The following PTPRD variants were observed in gnomAD, a reference collection of about 807,000 sequenced individuals.
PTPRD encodes protein tyrosine phosphatase receptor type D, also known as receptor-type tyrosine-protein phosphatase delta.
In PTPRD, 34 loss-of-function variants were observed where a neutral mutation model predicts 214.5. That is an observed-to-expected ratio of 0.16 (90% CI 0.12 to 0.21). The LOEUF (loss-of-function observed/expected upper bound fraction) is 0.21, where lower values mean the gene tolerates loss of function less well. PTPRD is among the 10% of genes least tolerant of loss of function. PTPRD has a pLI of 1.00. For missense variants in PTPRD, 2,545 were observed against 2,398.7 expected, an observed-to-expected ratio of 1.06 and a Z score of -1.27; for synonymous variants, 1,128 against 845.7, an observed-to-expected ratio of 1.33 and a Z score of -5.79.
At chr9:8,624,213 AG>A (rs1491427887) in intron 14 of PTPRD, among the ~76,000 whole-genome samples, 1 of 151,724 alleles carries the variant, frequency 6.6e-6, no homozygotes, top group Non-Finnish European at 1.5e-5. Flanking sequence ...CAAATGTAAC[AG>A]GGGGAAAAAA....
In PTPRD at chr9:10,443,107, C is replaced by G. The variant is rs73644456; in HGVS notation, c.-599-102090G>C. On this transcript the variant is annotated intron_variant, in intron 2 of 45. Transcript: ENST00000381196. ...CAATTTCAGAAAAAAAAAAAAAGGC[C>G]TGGATGGTGTTTGTGTTTTTTTATT... Among the ~76,000 whole-genome samples, 1,423 of 150,068 alleles carry G rather than the reference C, an allele frequency of 9.5e-3. 24 individuals are homozygous for G. The highest frequency in any genetic ancestry group is 0.033 in the African/African-American group (1,363 of 40,946).
chr9:8,691,459 T>G (rs1432289174), intron 12 of PTPRD, among the ~76,000 whole-genome samples: 1 of 147,634 alleles, frequency 6.8e-6, no homozygotes, highest in South Asian at 2.1e-4. Context: ...GAACAAGGGA[T>G]AAAGAGAGTA....
chr9:9,022,043 T>C (rs1383378897), intron 10 of PTPRD, among the ~76,000 whole-genome samples: 1 of 151,910 alleles, frequency 6.6e-6, no homozygotes, highest in African/African-American at 2.4e-5. Flanking sequence ...AAAACCTAGA[T>C]GACCGGTTCA....
intron 2 of PTPRD, among the ~76,000 whole-genome samples, chr9:10,506,517 G>A (rs935179330): frequency 6.6e-6 from 1 of 152,044 alleles, no homozygotes; most frequent in Non-Finnish European, 1.5e-5. Flanking sequence ...AAATGCTTGA[G>A]GTGATTGGTA....
chr9:10,184,544 G>T (rs912172912), intron 3 of PTPRD, among the ~76,000 whole-genome samples: 1 of 152,186 alleles, frequency 6.6e-6, no homozygotes, highest in African/African-American at 2.4e-5. Flanking sequence ...ACAATGCATA[G>T]AATATAGTAT....
At chr9:9,233,398 A>G (rs961079538) in intron 9 of PTPRD, among the ~76,000 whole-genome samples, 3 of 152,160 alleles carry the variant, frequency 2.0e-5, no homozygotes, top group Non-Finnish European at 4.4e-5. Flanking sequence ...GGGAACTACA[A>G]TTCAAGATGA....
chr9:8,318,467 G>C (rs1386408712), intron 45 of PTPRD, among the ~76,000 whole-genome samples: 1 of 152,074 alleles, frequency 6.6e-6, no homozygotes, highest in South Asian at 2.1e-4. Flanking sequence ...GGACAGTAGA[G>C]CTTGCAGTGA....
intron 8 of PTPRD, among the ~76,000 whole-genome samples, chr9:9,454,852 C>T (rs1339662904): frequency 6.8e-6 from 1 of 145,990 alleles, no homozygotes; most frequent in East Asian, 2.0e-4. Flanking sequence ...TATATATACA[C>T]ATATATATAT....
chr9:8,776,791 TTATATATATATTATATA>T (rs2095494932), intron 11 of PTPRD, among the ~76,000 whole-genome samples: 1 of 147,570 alleles, frequency 6.8e-6, no homozygotes. Flanking sequence ...AAAATATGTA[TTATATATATATTATATA>T]TGTATAATAT....
At chr9:8,564,093 G>A (rs1338391937) in intron 14 of PTPRD, among the ~76,000 whole-genome samples, 3 of 152,150 alleles carry the variant, frequency 2.0e-5, no homozygotes, top group African/African-American at 7.2e-5. Context: ...TGGTGATGCT[G>A]GACAGCAGAT....
chr9:9,308,293 G>C (rs573010585), intron 9 of PTPRD, among the ~76,000 whole-genome samples: 2 of 152,196 alleles, frequency 1.3e-5, no homozygotes, highest in South Asian at 4.2e-4. Context: ...ACAAATCCTA[G>C]AAACACATTT....
At chr9:9,448,427 G>T (rs542510929) in intron 8 of PTPRD, among the ~76,000 whole-genome samples, 2 of 152,080 alleles carry the variant, frequency 1.3e-5, no homozygotes, top group South Asian at 4.2e-4. Context: ...CTAAGTGTTT[G>T]CAAGTTCTTC....
intron 7 of PTPRD, among the ~76,000 whole-genome samples, chr9:9,677,406 G>A (rs144221912): frequency 1.3e-5 from 2 of 152,004 alleles, no homozygotes; most frequent in Admixed American, 6.6e-5. Flanking sequence ...ATGCAAGGCT[G>A]GTTCAACATA....
At chr9:9,625,922 G>C (rs1415405519) in intron 7 of PTPRD, among the ~76,000 whole-genome samples, 2 of 152,058 alleles carry the variant, frequency 1.3e-5, no homozygotes, top group African/African-American at 4.8e-5. Context: ...TCTGTAAAAG[G>C]CTAGATGATA....
intron 11 of PTPRD, among the ~76,000 whole-genome samples, chr9:8,910,045 T>A (rs915143736): frequency 1.8e-4 from 27 of 152,018 alleles, no homozygotes; most frequent in African/African-American, 6.3e-4. Context: ...TATTTATTTA[T>A]TTATTTATTT....
intron 4 of PTPRD, among the ~76,000 whole-genome samples, chr9:9,987,558 C>G (rs1039085852): frequency 2.0e-5 from 3 of 151,966 alleles, no homozygotes; most frequent in Non-Finnish European, 4.4e-5. Flanking sequence ...AGACCTGCCC[C>G]GACAACATGT....
intron 2 of PTPRD, among the ~76,000 whole-genome samples, chr9:10,538,295 T>TAAAA (rs200538843): frequency 1.6e-5 from 2 of 123,920 alleles, no homozygotes; most frequent in African/African-American, 3.2e-5. Context: ...AATAAATAAA[T>TAAAA]AAAAAGGGAG....
chr9:9,533,790 T>A (rs1369926869), intron 8 of PTPRD, among the ~76,000 whole-genome samples: 1 of 152,048 alleles, frequency 6.6e-6, no homozygotes, highest in Non-Finnish European at 1.5e-5. Context: ...GATGTATACG[T>A]GCATGTTTTT....
chr9:10,077,620 T>C (rs1395341100), intron 3 of PTPRD, among the ~76,000 whole-genome samples: 1 of 152,142 alleles, frequency 6.6e-6, no homozygotes, highest in African/African-American at 2.4e-5. Flanking sequence ...ATCCAATAGG[T>C]AATTTTTCAA....
Sources: gnomAD v4.1 joint callset for allele counts (sites outside exome capture counted in the v4.1 genomes callset) on GRCh38, gnomAD v4.1.1 for gene constraint, MANE v1.5 for transcripts, NCBI Gene and HGNC (gene_info 2026-07-23, HGNC 2026-07-21) for gene names.